Variants in BAK1 observed in about 807,000 individuals in gnomAD.
BAK1 encodes BCL2 antagonist/killer 1.
A neutral mutation model predicts 24.7 loss-of-function variants in BAK1; 19 were observed. That is an observed-to-expected ratio of 0.77 (90% CI 0.54 to 1.13). The LOEUF is 1.13. Among genes scored for constraint, BAK1 ranks in the 50% most tolerant of loss-of-function variants. The pLI is 0.00. For synonymous variants in BAK1, 86 were observed against 107.3 expected (o/e 0.80, Z 1.23); for missense variants, 194 against 279.4 (o/e 0.69, Z 2.18).
In BAK1 at chr6:33,577,280, C is replaced by T. The variant is rs757983115; in HGVS notation, c.70+255G>A. On this transcript the variant is annotated intron_variant, in intron 2 of 5. Coordinates refer to ENST00000374467, the MANE Select transcript of BAK1 (RefSeq NM_001188.4). The surrounding 1 kb of genome is among the most constrained non-coding windows in gnomAD (Gnocchi z 4.6). ...CTCGCCCGTGACCCAGCCCTCTGCC[C>T]CGGTGGCACTGTGCCTACCTTACAC... 2.0e-5 allele frequency among the ~76,000 whole-genome samples: 3 copies of T among 152,206 alleles called. No homozygotes were observed. Among genetic ancestry groups the T allele is most frequent in the Non-Finnish European group, 2.9e-5 (2 of 68,040 alleles).
rs1445336543 is a variant in BAK1 at position 33,578,616 on chromosome 6, T to G, written c.-31-981A>C. ...GGGCCTTCTTTGAAGCCCCATAACC[T>G]GCCTCGTACTCCCACCACACACCTG... On this transcript the variant is annotated intron_variant, in intron 1 of 5. Coordinates refer to ENST00000374467, the MANE Select transcript of BAK1 (RefSeq NM_001188.4). The surrounding 1 kb of genome is among the most constrained non-coding windows in gnomAD (Gnocchi z 4.8). 6.6e-6 allele frequency among the ~76,000 whole-genome samples: 1 copy of G among 152,148 alleles called. No homozygotes were observed. Among genetic ancestry groups the G allele is most frequent in the Non-Finnish European group, 1.5e-5 (1 of 68,014 alleles).
In BAK1 at chr6:33,575,582, A is replaced by G. The variant is rs1762830461; in HGVS notation, c.207-141T>C. The G allele has an allele frequency of 3.8e-6, 5 of 1,323,832 alleles. No individual in the cohort carries two copies. The South Asian group carries it at 5.3e-5, about 14-fold the overall frequency. 82.0% of individuals were successfully genotyped at this position (1,323,832 alleles called of 1,614,324 possible). ...GAGGTCCCTGACAGTGTTCTAAGACATGAGTGCTGGGCTCCAGGAGAAGGG... is the reference window on the plus strand; with the variant it reads ...GAGGTCCCTGACAGTGTTCTAAGACGTGAGTGCTGGGCTCCAGGAGAAGGG... On this transcript the variant is annotated intron_variant, in intron 3 of 5. Transcript: ENST00000374467. The surrounding 1 kb of genome is among the most constrained non-coding windows in gnomAD (Gnocchi z 6.3).
At position 33,578,905 on chromosome 6, in the gene BAK1, C is replaced by T. The variant is rs970211810; in HGVS notation, c.-32+1120G>A. On this transcript the variant is annotated intron_variant, in intron 1 of 5. Transcript: ENST00000374467. The surrounding 1 kb of genome is among the most constrained non-coding windows in gnomAD (Gnocchi z 4.8). ...CCCCCACCGCCCAGGGCCTGGGGAC[C>T]TTCGCCCACCCTCCTTCCGCTAGGC... Among the ~76,000 whole-genome samples, 2 of 152,142 alleles carry T rather than the reference C, an allele frequency of 1.3e-5. No individual in the cohort carries two copies. Among genetic ancestry groups the T allele is most frequent in the East Asian group, 1.9e-4 (1 of 5,174 alleles).
Position 33,574,173 on chromosome 6 carries a change from A to G in BAK1, c.392T>C (p.Leu131Pro). The change falls in exon 5 of 6, where the codon CTT becomes CCT. Residue 131 changes from leucine to proline, a missense_variant. Transcript: ENST00000374467. Reference sequence around the variant, plus strand: ...GGCCAGACGGTAGCCGAAGCCCAGAAGAGCCACCACACGGCCCCAATTGAT... The same window carrying G: ...GGCCAGACGGTAGCCGAAGCCCAGAGGAGCCACCACACGGCCCCAATTGAT... ...SGINWGRVVA[L>P]LGFGYRLALH... 4 of 1,614,140 alleles carry G rather than the reference A, an allele frequency of 2.5e-6. No individual in the cohort carries two copies. Among genetic ancestry groups the G allele is most frequent in the African/African-American group, 1.3e-5 (1 of 75,054 alleles).
rs370237502 is a variant in BAK1, at chr6:33,576,672, C to CAA, written c.71-746_71-745dup. 1.6e-4 allele frequency among the ~76,000 whole-genome samples: 20 copies of CAA among 128,924 alleles called. 1 individual carries two copies. Among genetic ancestry groups the CAA allele is most frequent in the Admixed American group, 5.4e-4 (7 of 12,862 alleles). 84.6% of individuals were successfully genotyped at this position (128,924 alleles called of 152,430 possible). On this transcript the variant is annotated intron_variant, in intron 2 of 5. Coordinates refer to ENST00000374467, the MANE Select transcript of BAK1 (RefSeq NM_001188.4). Reference sequence around the variant, plus strand: ...AACAAAACAACAACAACAAAAAAAACAAAAAAAAAAAAAAGAAAAGAAATA... The same window carrying CAA: ...AACAAAACAACAACAACAAAAAAAACAAAAAAAAAAAAAAAAGAAAAGAAATA...
chr6:33,574,075 G>T lies in BAK1; in HGVS notation c.490C>A (p.His164Asn), dbSNP rs776913532. 3.1e-6 allele frequency: 5 copies of T among 1,614,122 alleles called. No individual in the cohort carries two copies. Among genetic ancestry groups the T allele is most frequent in the Non-Finnish European group, 4.2e-6 (5 of 1,180,054 alleles). The change falls in exon 5 of 6, where the codon CAT becomes AAT. Residue 164 changes from histidine to asparagine, a missense_variant. Physicochemically the swap from His to Asn is moderately conservative, Grantham distance 68 (BLOSUM62 1). Coordinates refer to ENST00000374467, the MANE Select transcript of BAK1 (RefSeq NM_001188.4). ...GCAATCCACCGGGCAATGCAGTGAT[G>T]CAGCATGAAGTCGACCACGAAGCGG... ...VTRFVVDFML[H>N]HCIARWIAQR...
At chr6:33,574,294 C>G in intron 4 of BAK1, 80 bp from the exon 5 acceptor site, 5 of 1,540,130 alleles carry the variant, frequency 3.2e-6, no homozygotes, top group Non-Finnish European at 2.7e-6. Context: ...CCACCCCTCT[C>G]CCAGCTGGAA....
intron 2 of BAK1, 151 bp from the exon 3 acceptor site, chr6:33,576,079 A>T: frequency 8.1e-7 from 1 of 1,239,764 alleles, no homozygotes; most frequent in South Asian, 1.5e-5. Context: ...CTATAATCCC[A>T]GCACTTTGGG....
rs181458040 is a variant in BAK1 at position 33,579,211 on chromosome 6, T to C, written c.-32+814A>G. On this transcript the variant is annotated intron_variant, in intron 1 of 5. Transcript: ENST00000374467. ...AAATACAAAAATTAGCTGGGCATGG[T>C]GGCGTGCGCCTGTAGTCCCAGCTAC... 1.1e-4 allele frequency among the ~76,000 whole-genome samples: 16 copies of C among 152,254 alleles called. No homozygotes were observed. The East Asian group carries it at 3.1e-3, about 29-fold the overall frequency.
chr6:33,577,515 G>A lies in BAK1; in HGVS notation c.70+20C>T, dbSNP rs1399570278. 1 of 1,536,944 alleles carries A rather than the reference G, an allele frequency of 6.5e-7. No individual in the cohort carries two copies. The highest frequency in any genetic ancestry group is 8.8e-7 in the Non-Finnish European group (1 of 1,137,706). ...GCACTCATGGTTATGGGATGGGTGA[G>A]GGGGCAGGAAGACCCTTACCAGAAG... On this transcript the variant is annotated intron_variant, in intron 2 of 5. Transcript: ENST00000374467. This position sits in a 1 kb window ranked among gnomAD's most constrained non-coding sequence, Gnocchi z 4.6.
At chr6:33,574,242 G>T in intron 4 of BAK1, 28 bp from the exon 5 acceptor site, 1 of 1,602,302 alleles carries the variant, frequency 6.2e-7, no homozygotes. Context: ...CATAGCATTG[G>T]TGGAGAGCCC....
Position 33,575,989 on chromosome 6 carries a change from T to G in BAK1, c.71-61A>C. Reference sequence around the variant, plus strand: ...CGAACCCTGGCAGCCCCATGCCTTATAGGGGATTCACTCTTCCTAAGGCCA... The same window carrying G: ...CGAACCCTGGCAGCCCCATGCCTTAGAGGGGATTCACTCTTCCTAAGGCCA... On this transcript the variant is annotated intron_variant, in intron 2 of 5. Transcript: ENST00000374467. The surrounding 1 kb of genome is among the most constrained non-coding windows in gnomAD (Gnocchi z 6.3). 1 of 1,604,854 alleles carries G rather than the reference T, an allele frequency of 6.2e-7. No individual in the cohort carries two copies. Among genetic ancestry groups the G allele is most frequent in the Non-Finnish European group, 8.5e-7 (1 of 1,174,738 alleles).
In BAK1 at chr6:33,575,885, G is replaced by T. The variant is rs372257626; in HGVS notation, c.114C>A (p.Tyr38Ter). The change falls in exon 3 of 6, where the codon TAC (tyrosine) becomes TAA (stop). Residue 38 changes from tyrosine to a stop codon, truncating the protein, a stop_gained. Coordinates refer to ENST00000374467, the MANE Select transcript of BAK1 (RefSeq NM_001188.4). LOFTEE classifies it high-confidence loss of function. The surrounding 1 kb of genome is among the most constrained non-coding windows in gnomAD (Gnocchi z 6.3). ...AQDTEEVFRS[Y>*]VFYRHQQEQE... Reference sequence around the variant, plus strand: ...GTTCCTGCTGATGGCGGTAAAAAACGTAGCTGCGGAAAACCTCCTCTGTGT... The same window carrying T: ...GTTCCTGCTGATGGCGGTAAAAAACTTAGCTGCGGAAAACCTCCTCTGTGT... 2 of 1,614,140 alleles carry T rather than the reference G, an allele frequency of 1.2e-6. No homozygotes were observed. The highest frequency in any genetic ancestry group is 1.7e-6 in the Non-Finnish European group (2 of 1,180,028).
At position 33,575,553 on chromosome 6, in the gene BAK1, C is replaced by T; in HGVS notation, c.207-112G>A. 6.9e-7 allele frequency: 1 copy of T among 1,449,742 alleles called. No homozygotes were observed. Among genetic ancestry groups the T allele is most frequent in the South Asian group, 1.2e-5 (1 of 82,670 alleles). 89.8% of individuals were successfully genotyped at this position (1,449,742 alleles called of 1,614,324 possible). A position where few individuals can be genotyped will look rare whatever the true frequency, so the allele number is the denominator to read the frequency against. On this transcript the variant is annotated intron_variant, in intron 3 of 5. Coordinates refer to ENST00000374467, the MANE Select transcript of BAK1 (RefSeq NM_001188.4). The surrounding 1 kb of genome is among the most constrained non-coding windows in gnomAD (Gnocchi z 6.3). ...CTGTCCATGGCCCTGTGCATCCCTTCTTGGAGGTCCCTGACAGTGTTCTAA... is the reference window on the plus strand; with the variant it reads ...CTGTCCATGGCCCTGTGCATCCCTTTTTGGAGGTCCCTGACAGTGTTCTAA...
chr6:33,577,758 T>A lies in BAK1; in HGVS notation c.-31-123A>T. On this transcript the variant is annotated intron_variant, in intron 1 of 5. Transcript: ENST00000374467. This position sits in a 1 kb window ranked among gnomAD's most constrained non-coding sequence, Gnocchi z 4.6. ...CCCCCATTCCCAGAAAGGCCCTTAG[T>A]CCTCTGGGACTTTGGCCAGGCCGGT... 1.5e-6 allele frequency: 1 copy of A among 656,018 alleles called. No homozygotes were observed. Among genetic ancestry groups the A allele is most frequent in the Non-Finnish European group, 2.5e-6 (1 of 402,500 alleles). 40.6% of individuals were successfully genotyped at this position (656,018 alleles called of 1,614,324 possible). A position where few individuals can be genotyped will look rare whatever the true frequency, so the allele number is the denominator to read the frequency against.
At position 33,578,463 on chromosome 6, in the gene BAK1, G is replaced by A. The variant is rs1169663826; in HGVS notation, c.-31-828C>T. Among the ~76,000 whole-genome samples the A allele has an allele frequency of 6.6e-6, 1 of 152,190 alleles. No individual in the cohort carries two copies. The highest frequency in any genetic ancestry group is 1.5e-5 in the Non-Finnish European group (1 of 68,032). On this transcript the variant is annotated intron_variant, in intron 1 of 5. Transcript: ENST00000374467. This position sits in a 1 kb window ranked among gnomAD's most constrained non-coding sequence, Gnocchi z 4.8. ...GTGAGTCCATGTACTCAACACGCAT[G>A]CAAGATTTCTTTTCCAGTTTGTGGA...
rs566643847 is a variant in BAK1, at chr6:33,577,839, G to C, written c.-31-204C>G. 6.6e-6 allele frequency among the ~76,000 whole-genome samples: 1 copy of C among 152,166 alleles called. No homozygotes were observed. Among genetic ancestry groups the C allele is most frequent in the Non-Finnish European group, 1.5e-5 (1 of 68,020 alleles). On this transcript the variant is annotated intron_variant, in intron 1 of 5. Transcript: ENST00000374467. The surrounding 1 kb of genome is among the most constrained non-coding windows in gnomAD (Gnocchi z 4.6). ...GGCCATCCACAGTGCTGGGATTACA[G>C]GTGTGAGCCACCGTGCCTGGCCTCC...
rs376881326 is a variant in BAK1, at chr6:33,575,741, G to A, written c.206+52C>T. 1.9e-5 allele frequency: 31 copies of A among 1,598,616 alleles called. No homozygotes were observed. The highest frequency in any genetic ancestry group is 4.5e-5 in the East Asian group (2 of 44,690). ...CCAGGACCTGCACAGAGACCCATGC[G>A]AGCTACTGCCTCCCTGAAGATGTCC... On this transcript the variant is annotated intron_variant, in intron 3 of 5. Coordinates refer to ENST00000374467, the MANE Select transcript of BAK1 (RefSeq NM_001188.4). The surrounding 1 kb of genome is among the most constrained non-coding windows in gnomAD (Gnocchi z 6.3).
At chr6:33,576,426 T>C (rs897969078) in intron 2 of BAK1, among the ~76,000 whole-genome samples, 8 of 151,172 alleles carry the variant, frequency 5.3e-5, no homozygotes, top group East Asian at 2.0e-4. Context: ...GTCAGGAGAT[T>C]GAGACCATCC....
Sources: allele counts gnomAD v4.1 joint callset (sites outside exome capture counted in the v4.1 genomes callset), GRCh38; gene constraint gnomAD v4.1.1; non-coding constraint Gnocchi (gnomAD v3.1); transcripts MANE v1.5; gene names NCBI Gene and HGNC (gene_info 2026-07-23, HGNC 2026-07-21).